Variants in KCNT1 observed in about 807,000 individuals in gnomAD.
KCNT1 encodes potassium channel subfamily T member 1.
In KCNT1, 78 loss-of-function variants were observed where a neutral mutation model predicts 147.8. The ratio of observed to expected loss-of-function variants is 0.53; its 90% CI spans 0.44 to 0.64. The LOEUF (loss-of-function observed/expected upper bound fraction) is 0.64, where lower values mean the gene tolerates loss of function less well. KCNT1 is among the 30% of genes least tolerant of loss of function. The pLI, the probability that KCNT1 is intolerant of heterozygous loss-of-function variation, is 0.00. For missense variants in KCNT1, 1,419 were observed against 1,750.3 expected, an observed-to-expected ratio of 0.81 and a Z score of 3.38; for synonymous variants, 867 against 748.8, an observed-to-expected ratio of 1.16 and a Z score of -2.58.
At chr9:135,774,844 G>A (rs995035732) in intron 19 of KCNT1, among the ~76,000 whole-genome samples, 41 of 151,684 alleles carry the variant, frequency 2.7e-4, no homozygotes, top group African/African-American at 8.3e-4. Context: ...GAGCCCCACC[G>A]CCACCCCCTT....
At chr9:135,710,336 T>C (rs999371326) in intron 1 of KCNT1, among the ~76,000 whole-genome samples, 1 of 152,216 alleles carries the variant, frequency 6.6e-6, no homozygotes, top group Non-Finnish European at 1.5e-5. Flanking sequence ...AGCCAGGTAC[T>C]GGGTTCAAGC....
chr9:135,787,889 A>G (rs1226202033), intron 29 of KCNT1, among the ~76,000 whole-genome samples: 1 of 152,146 alleles, frequency 6.6e-6, no homozygotes. Flanking sequence ...GGCCACCCCC[A>G]GAGCTGGTGC....
chr9:135,755,004 A>G lies in KCNT1; in HGVS notation c.492-117A>G, dbSNP rs140166868. The G allele has an allele frequency of 0.013, 11,084 of 879,924 alleles. 211 individuals are homozygous for G. The highest frequency in any genetic ancestry group is 0.011 in the Non-Finnish European group (6,414 of 601,166). The allele number at this position is 879,924 out of a possible 1,614,324, so 54.5% of individuals were successfully genotyped here. A position where few individuals can be genotyped will look rare whatever the true frequency, so the allele number is the denominator to read the frequency against. Reference sequence around the variant, plus strand: ...GGTAGGCTCCTTTGGTCCAGCCCCAATGAGCAGCACATGCTTGGGGCCAGT... The same window carrying G: ...GGTAGGCTCCTTTGGTCCAGCCCCAGTGAGCAGCACATGCTTGGGGCCAGT... On this transcript the variant is annotated intron_variant, in intron 5 of 30. Coordinates refer to ENST00000371757, the MANE Select transcript of KCNT1 (RefSeq NM_020822.3).
chr9:135,768,441 C>A, intron 13 of KCNT1, 169 bp from the exon 14 acceptor site: 1 of 586,898 alleles, frequency 1.7e-6, no homozygotes, highest in Non-Finnish European at 3.1e-6. Flanking sequence ...CCATCCTCCC[C>A]GCCTTCCATC....
chr9:135,779,525 AGAAAGGGGCTCAGGG>A, intron 24 of KCNT1, 55 bp downstream of exon 24: 1 of 1,320,422 alleles, frequency 7.6e-7, no homozygotes, highest in Admixed American at 1.7e-5. Context: ...AAAGAGTGGG[AGAAAGGGGCTCAGGG>A]GAAAGGGGGC....
chr9:135,702,667 G>A (rs1456667419), intron 1 of KCNT1, among the ~76,000 whole-genome samples: 1 of 152,104 alleles, frequency 6.6e-6, no homozygotes, highest in Non-Finnish European at 1.5e-5. Flanking sequence ...CCAGGTGTGG[G>A]GAGTGGCAGG....
chr9:135,747,795 C>T (rs1830920050), intron 2 of KCNT1, among the ~76,000 whole-genome samples: 1 of 152,122 alleles, frequency 6.6e-6, no homozygotes, highest in Non-Finnish European at 1.5e-5. Context: ...TGTCCCACTG[C>T]CTGGCCCCAG....
At chr9:135,755,778 G>A (rs10858164) in intron 6 of KCNT1, among the ~76,000 whole-genome samples, 50,365 of 150,040 alleles carry the variant, frequency 0.34, 8,753 homozygotes, top group Middle Eastern at 0.44. Flanking sequence ...ACTTAGGACA[G>A]ACCCAGCATT....
At chr9:135,729,794 G>A (rs1384716816) in intron 2 of KCNT1, among the ~76,000 whole-genome samples, 2 of 152,206 alleles carry the variant, frequency 1.3e-5, no homozygotes, top group South Asian at 4.1e-4. Context: ...AATGTTGCAC[G>A]TGCCCTTGGT....
At chr9:135,785,963 G>C in intron 28 of KCNT1, 1 of 570,338 alleles carries the variant, frequency 1.8e-6, no homozygotes, top group Non-Finnish European at 3.1e-6. Flanking sequence ...GGCCCGGGCA[G>C]GGTGGGTGGC....
At chr9:135,744,526 G>A (rs1400879000) in intron 2 of KCNT1, among the ~76,000 whole-genome samples, 1 of 152,224 alleles carries the variant, frequency 6.6e-6, no homozygotes, top group Non-Finnish European at 1.5e-5. Flanking sequence ...GCTACAGGGA[G>A]CCCCAAGGAC....
rs1832511981 is a variant in KCNT1, at chr9:135,768,807, GACCA to G, written c.1402-17_1402-14del. On this transcript the variant is annotated intron_variant, in intron 14 of 30. Transcript: ENST00000371757. Reference sequence around the variant, plus strand: ...CCACAGAGGCCAGCCCGTCTGCACTGACCAACCACCCACCCCGCCAGGACCACCA... The same window carrying G: ...CCACAGAGGCCAGCCCGTCTGCACTGACCACCCACCCCGCCAGGACCACCA... The G allele has an allele frequency of 1.2e-6, 2 of 1,602,462 alleles. No individual in the cohort carries two copies. The highest frequency in any genetic ancestry group is 2.2e-5 in the East Asian group (1 of 44,668).
chr9:135,764,955 C>T (rs549265515), intron 11 of KCNT1, 76 bp from the exon 12 acceptor site: 1 of 1,493,930 alleles, frequency 6.7e-7, no homozygotes, highest in Non-Finnish European at 9.1e-7. Context: ...AGTCGTGTGT[C>T]AGGGCCCAGG....
intron 29 of KCNT1, among the ~76,000 whole-genome samples, chr9:135,787,086 G>A (rs1004800375): frequency 1.3e-5 from 2 of 152,192 alleles, no homozygotes; most frequent in Non-Finnish European, 2.9e-5. Context: ...GCCAGGGTAG[G>A]GGGGAGACTT....
At chr9:135,735,875 C>A (rs887031821) in intron 2 of KCNT1, among the ~76,000 whole-genome samples, 1 of 152,224 alleles carries the variant, frequency 6.6e-6, no homozygotes, top group Non-Finnish European at 1.5e-5. Context: ...GCCAATACCC[C>A]CCGGCTGTTA....
Position 135,714,597 on chromosome 9 carries a change from G to T in KCNT1, c.131G>T (p.Gly44Val). 1 of 1,401,726 alleles carries T rather than the reference G, an allele frequency of 7.1e-7. No individual in the cohort carries two copies. The highest frequency in any genetic ancestry group is 9.4e-7 in the Non-Finnish European group (1 of 1,061,882). The allele number at this position is 1,401,726 out of a possible 1,614,324, so 86.8% of individuals were successfully genotyped here. A position where few individuals can be genotyped will look rare whatever the true frequency, so the allele number is the denominator to read the frequency against. ...CGCAGGCGGCCCTGCGCGGGGGACG[G>T]CGCGCTCCTGGACACCGCCGGCTTC... ...CAPRRPCAGD[G>V]ALLDTAGFKM... is the part of the protein sequence containing the mutation. The change falls in exon 2 of 31, where the codon GGC becomes GTC. Residue 44 changes from glycine to valine, a missense_variant. Coordinates refer to ENST00000371757, the MANE Select transcript of KCNT1 (RefSeq NM_020822.3). This position sits in a 1 kb window ranked among gnomAD's most constrained non-coding sequence, Gnocchi z 6.2.
chr9:135,760,439 C>G lies in KCNT1; in HGVS notation c.1035+580C>G, dbSNP rs146449144. Among the ~76,000 whole-genome samples, 1,027 of 152,304 alleles carry G rather than the reference C, an allele frequency of 6.7e-3. 6 individuals carry two copies. The highest frequency in any genetic ancestry group is 0.01 in the Non-Finnish European group (708 of 68,006). Reference sequence around the variant, plus strand: ...CACCCCAGCCCACCCTGGAGGGACCCTGCTATTGGGGAGATGGGAGAAGGA... The same window carrying G: ...CACCCCAGCCCACCCTGGAGGGACCGTGCTATTGGGGAGATGGGAGAAGGA... On this transcript the variant is annotated intron_variant, in intron 11 of 30. Transcript: ENST00000371757.
At chr9:135,718,516 G>T (rs1237745601) in intron 2 of KCNT1, among the ~76,000 whole-genome samples, 4 of 152,210 alleles carry the variant, frequency 2.6e-5, no homozygotes, top group Non-Finnish European at 4.4e-5. Context: ...AGGGACCATC[G>T]TGGTGGCCTT....
intron 21 of KCNT1, among the ~76,000 whole-genome samples, chr9:135,778,168 G>A (rs967702034): frequency 6.6e-6 from 1 of 152,180 alleles, no homozygotes; most frequent in African/African-American, 2.4e-5. Flanking sequence ...GGGGACCCTA[G>A]GACCCTGACA....
Sources: gnomAD v4.1 joint callset for allele counts (sites outside exome capture counted in the v4.1 genomes callset) on GRCh38, gnomAD v4.1.1 for gene constraint, Gnocchi (gnomAD v3.1) non-coding constraint, MANE v1.5 for transcripts, NCBI Gene and HGNC (gene_info 2026-07-23, HGNC 2026-07-21) for gene names.